SORCS3: variants seen among roughly 807,000 people sequenced by gnomAD.
The protein encoded by SORCS3 is VPS10 domain-containing receptor SorCS3.
In SORCS3, 57 loss-of-function variants were observed where a neutral mutation model predicts 146.3. The observed-to-expected ratio is 0.39, with a 90% CI of 0.31 to 0.49. The LOEUF is 0.49. Ranked by LOEUF, SORCS3 falls within the 20% of genes least tolerant of loss-of-function variation. SORCS3 has a pLI of 0.92. For synonymous variants in SORCS3, 653 were observed against 618.5 expected, an observed-to-expected ratio of 1.06 and a Z score of -0.83; for missense variants, 1,341 against 1,575.5, an observed-to-expected ratio of 0.85 and a Z score of 2.52.
chr10:105,034,368 G>C (rs1240536919), intron 4 of SORCS3, among the ~76,000 whole-genome samples: 1 of 152,136 alleles, frequency 6.6e-6, no homozygotes, highest in African/African-American at 2.4e-5. Flanking sequence ...TGGCATGTTT[G>C]AGAAACTAAA....
chr10:105,260,665 A>G (rs1324879703), intron 25 of SORCS3, among the ~76,000 whole-genome samples: 2 of 152,230 alleles, frequency 1.3e-5, no homozygotes, highest in African/African-American at 4.8e-5. Flanking sequence ...GGAAACCCGT[A>G]TTAAGTGCTT....
intron 2 of SORCS3, among the ~76,000 whole-genome samples, chr10:104,874,420 CATCTT>C (rs2018549951): frequency 1.3e-5 from 2 of 152,110 alleles, no homozygotes; most frequent in Admixed American, 6.6e-5. Flanking sequence ...TTATAATAAA[CATCTT>C]ATAGGCCTTA....
intron 3 of SORCS3, among the ~76,000 whole-genome samples, chr10:104,971,660 G>A (rs1254060676): frequency 2.6e-5 from 4 of 152,094 alleles, no homozygotes; most frequent in African/African-American, 7.2e-5. Flanking sequence ...TTCCCAAGGC[G>A]GTGATGATTT....
chr10:104,937,329 A>G (rs2019270355), intron 3 of SORCS3, among the ~76,000 whole-genome samples: 1 of 152,198 alleles, frequency 6.6e-6, no homozygotes, highest in Admixed American at 6.5e-5. Context: ...ACGTGGATCA[A>G]TGGTTTTTAT....
intron 3 of SORCS3, among the ~76,000 whole-genome samples, chr10:104,922,371 C>T (rs1252173911): frequency 6.6e-6 from 1 of 152,194 alleles, no homozygotes; most frequent in East Asian, 1.9e-4. Context: ...GAGGGAGTTT[C>T]CTGCTTTCAG....
intron 1 of SORCS3, among the ~76,000 whole-genome samples, chr10:104,681,060 G>C (rs965192452): frequency 6.6e-6 from 1 of 152,200 alleles, no homozygotes; most frequent in East Asian, 1.9e-4. Flanking sequence ...CCGGGAAGAG[G>C]ACCAGCTTGC....
rs759709829 is a variant in SORCS3 at position 105,263,532 on chromosome 10, G to T, written c.*158G>T. The T allele has an allele frequency of 1.2e-5, 8 of 645,886 alleles. No homozygotes were observed. The highest frequency in any genetic ancestry group is 1.9e-5 in the Non-Finnish European group (7 of 374,464). The allele number at this position is 645,886 out of a possible 1,614,324, so 40.0% of individuals were successfully genotyped here. On this transcript the variant is annotated 3_prime_UTR_variant, in exon 27 of 27. Coordinates refer to ENST00000369701, the MANE Select transcript of SORCS3 (RefSeq NM_014978.3). ...AAATGCCTAGCTTTGGGAGAAAAGG[G>T]CATTCTTAGCTGATTGAAATGAGAC...
At chr10:104,721,324 C>T (rs1198693593) in intron 1 of SORCS3, among the ~76,000 whole-genome samples, 1 of 152,110 alleles carries the variant, frequency 6.6e-6, no homozygotes. Flanking sequence ...CTGTTCTGTT[C>T]CATTGATCTA....
At chr10:105,111,748 T>A (rs1267493737) in intron 7 of SORCS3, among the ~76,000 whole-genome samples, 1 of 152,238 alleles carries the variant, frequency 6.6e-6, no homozygotes, top group Admixed American at 6.5e-5. Context: ...ATGAGAGCTG[T>A]ATTAGTGCAA....
chr10:105,164,798 G>T (rs1589665872), intron 12 of SORCS3, among the ~76,000 whole-genome samples: 1 of 152,166 alleles, frequency 6.6e-6, no homozygotes, highest in Non-Finnish European at 1.5e-5. Flanking sequence ...AACTGACAAA[G>T]CCATGGAAGT....
chr10:104,909,928 G>T (rs2018949005), intron 2 of SORCS3, among the ~76,000 whole-genome samples: 1 of 151,866 alleles, frequency 6.6e-6, no homozygotes, highest in Non-Finnish European at 1.5e-5. Flanking sequence ...GACTGAAATT[G>T]TCAGTGGGAA....
At chr10:104,904,756 T>G (rs1440295142) in intron 2 of SORCS3, among the ~76,000 whole-genome samples, 1 of 150,792 alleles carries the variant, frequency 6.6e-6, no homozygotes, top group Non-Finnish European at 1.5e-5. Context: ...TAACTGAGTT[T>G]TTCTATATGA....
intron 14 of SORCS3, among the ~76,000 whole-genome samples, chr10:105,191,697 A>C (rs988482518): frequency 6.6e-6 from 1 of 152,020 alleles, no homozygotes; most frequent in Non-Finnish European, 1.5e-5. Flanking sequence ...AAACTGTTCC[A>C]CCTCAGATCA....
intron 6 of SORCS3, among the ~76,000 whole-genome samples, chr10:105,102,749 A>G (rs1388321255): frequency 6.9e-6 from 1 of 143,944 alleles, no homozygotes. Flanking sequence ...TTTGGCCTGT[A>G]CCATCTTTTA....
intron 4 of SORCS3, among the ~76,000 whole-genome samples, chr10:105,033,581 C>G (rs2055284954): frequency 1.3e-5 from 2 of 152,088 alleles, no homozygotes; most frequent in Admixed American, 6.5e-5. Context: ...GAAGAGACAG[C>G]CTGGAGTTTT....
At chr10:105,072,498 T>C (rs2055562890) in intron 5 of SORCS3, among the ~76,000 whole-genome samples, 1 of 152,102 alleles carries the variant, frequency 6.6e-6, no homozygotes, top group Non-Finnish European at 1.5e-5. Flanking sequence ...GATACAAGCA[T>C]GAGCAGTATC....
chr10:105,156,121 T>C (rs1397472295), intron 9 of SORCS3, among the ~76,000 whole-genome samples: 1 of 152,212 alleles, frequency 6.6e-6, no homozygotes, highest in Non-Finnish European at 1.5e-5. Flanking sequence ...ATAAATACAA[T>C]TAAAACTTTA....
At chr10:105,113,031 C>T (rs568626311) in intron 7 of SORCS3, among the ~76,000 whole-genome samples, 14 of 152,310 alleles carry the variant, frequency 9.2e-5, no homozygotes, top group Admixed American at 7.8e-4. Context: ...TGGAGGAGGA[C>T]GCCTGGAAAG....
intron 8 of SORCS3, among the ~76,000 whole-genome samples, chr10:105,142,871 G>A (rs917022767): frequency 8.6e-5 from 13 of 151,980 alleles, no homozygotes; most frequent in African/African-American, 2.9e-4. Context: ...TAAAAGAGAG[G>A]AAAGGGAAAT....
Sources: gnomAD v4.1 joint callset for allele counts (sites outside exome capture counted in the v4.1 genomes callset) on GRCh38, gnomAD v4.1.1 for gene constraint, MANE v1.5 for transcripts, NCBI Gene and HGNC (gene_info 2026-07-23, HGNC 2026-07-21) for gene names.